VPS50: variants seen among roughly 807,000 people sequenced by gnomAD.
VPS50 encodes VPS50 subunit of EARP/GARPII complex.
VPS50 carries 70 observed loss-of-function variants against 139.7 expected under a neutral mutation model. That is an observed-to-expected ratio of 0.50 (90% CI 0.41 to 0.61). VPS50 has a LOEUF of 0.61. Ranked by LOEUF, VPS50 falls within the 20% of genes least tolerant of loss-of-function variation. The probability of loss-of-function intolerance (pLI) is 0.00; values close to 1 mark genes in which losing one functional copy is unlikely to be tolerated. For missense variants in VPS50, 921 were observed against 1,133.7 expected, an observed-to-expected ratio of 0.81 and a Z score of 2.69; for synonymous variants, 365 against 376.7, an observed-to-expected ratio of 0.97 and a Z score of 0.36.
At chr7:93,348,620 T>C in intron 23 of VPS50, 91 bp from the exon 24 acceptor site, 1 of 862,686 alleles carries the variant, frequency 1.2e-6, no homozygotes, top group Non-Finnish European at 1.9e-6. Context: ...AAAGTTTTGC[T>C]CAGAAATGTT....
At chr7:93,347,171 A>G (rs1798420685) in intron 23 of VPS50, among the ~76,000 whole-genome samples, 1 of 148,572 alleles carries the variant, frequency 6.7e-6, no homozygotes. Flanking sequence ...CAAAGGATAT[A>G]AATAGACACT....
chr7:93,353,015 G>T (rs1185516958), intron 25 of VPS50, among the ~76,000 whole-genome samples: 2 of 152,028 alleles, frequency 1.3e-5, no homozygotes, highest in Admixed American at 6.6e-5. Context: ...GAGCATTTCA[G>T]AATTCTGGTT....
At chr7:93,243,185 A>G (rs2116787392) in intron 2 of VPS50, among the ~76,000 whole-genome samples, 1 of 152,114 alleles carries the variant, frequency 6.6e-6, no homozygotes, top group Admixed American at 6.6e-5. Flanking sequence ...AGAAAAGTAG[A>G]AAACATTTAA....
intron 2 of VPS50, among the ~76,000 whole-genome samples, chr7:93,244,653 A>T (rs973747268): frequency 1.3e-5 from 2 of 151,842 alleles, no homozygotes; most frequent in Non-Finnish European, 2.9e-5. Flanking sequence ...TTGTTAGAAG[A>T]TTTGCATATT....
intron 27 of VPS50, among the ~76,000 whole-genome samples, chr7:93,358,110 T>A (rs572796362): frequency 2.6e-5 from 4 of 152,176 alleles, no homozygotes; most frequent in Non-Finnish European, 5.9e-5. Flanking sequence ...CTGTTTCAAA[T>A]GTGTACTATA....
chr7:93,338,449 G>C (rs1798123291), intron 22 of VPS50, among the ~76,000 whole-genome samples: 1 of 152,100 alleles, frequency 6.6e-6, no homozygotes, highest in African/African-American at 2.4e-5. Context: ...CATTGAAGAA[G>C]ATCCCTAAAG....
chr7:93,342,848 AG>A (rs1798263895), intron 23 of VPS50, among the ~76,000 whole-genome samples: 1 of 152,196 alleles, frequency 6.6e-6, no homozygotes, highest in Non-Finnish European at 1.5e-5. Flanking sequence ...CCATCATCAA[AG>A]ACCAAAAGTA....
chr7:93,260,672 TG>T (rs1795639765), intron 9 of VPS50, among the ~76,000 whole-genome samples: 1 of 148,880 alleles, frequency 6.7e-6, no homozygotes, highest in Non-Finnish European at 1.5e-5. Flanking sequence ...TGAAGTTACA[TG>T]TTTTTTTGTT....
At position 93,258,188 on chromosome 7, in the gene VPS50, C is replaced by G; in HGVS notation, c.452C>G (p.Thr151Ser). 1 of 1,578,436 alleles carries G rather than the reference C, an allele frequency of 6.3e-7. No homozygotes were observed. The highest frequency in any genetic ancestry group is 8.7e-7 in the Non-Finnish European group (1 of 1,148,094). The change falls in exon 7 of 28, where the codon ACT (threonine) becomes AGT (serine). Residue 151 changes from threonine to serine, a missense_variant. Thr to Ser is a moderately conservative substitution (Grantham distance 58, BLOSUM62 1). Coordinates refer to ENST00000305866, the MANE Select transcript of VPS50 (RefSeq NM_017667.4). Reference sequence around the variant, plus strand: ...TTGAATATTGCAAAGGAAGGTTTTACTCAAGCTAGTTTAGGCCTTCTTGCA... The same window carrying G: ...TTGAATATTGCAAAGGAAGGTTTTAGTCAAGCTAGTTTAGGCCTTCTTGCA... ...RHLNIAKEGF[T>S]QASLGLLANQ... is the part of the protein sequence containing the mutation.
At chr7:93,304,776 T>C (rs1255545890) in intron 17 of VPS50, among the ~76,000 whole-genome samples, 1 of 151,850 alleles carries the variant, frequency 6.6e-6, no homozygotes, top group Non-Finnish European at 1.5e-5. Context: ...TTGAAAACTA[T>C]TCACAGCTTA....
At chr7:93,308,309 A>G (rs1176165120) in intron 18 of VPS50, among the ~76,000 whole-genome samples, 1 of 152,018 alleles carries the variant, frequency 6.6e-6, no homozygotes, top group Non-Finnish European at 1.5e-5. Flanking sequence ...CATTCTCAGC[A>G]GGTCCCTGTG....
chr7:93,343,737 T>C (rs983591888), intron 23 of VPS50, among the ~76,000 whole-genome samples: 1 of 152,072 alleles, frequency 6.6e-6, no homozygotes, highest in Admixed American at 6.5e-5. Flanking sequence ...CTAAGCTTCA[T>C]AAGTGAAGGA....
At chr7:93,357,433 C>G (rs1447546985) in intron 27 of VPS50, among the ~76,000 whole-genome samples, 4 of 152,138 alleles carry the variant, frequency 2.6e-5, no homozygotes, top group African/African-American at 4.8e-5. Context: ...GTCCAGCGAT[C>G]ACTGACGATG....
chr7:93,234,985 C>T (rs746599575), intron 1 of VPS50, among the ~76,000 whole-genome samples: 1 of 151,124 alleles, frequency 6.6e-6, no homozygotes, highest in Non-Finnish European at 1.5e-5. Context: ...CGGTGATAAA[C>T]ACTGTAGAGG....
intron 25 of VPS50, among the ~76,000 whole-genome samples, 175 bp from the exon 26 acceptor site, chr7:93,353,463 CAT>C (rs760415965): frequency 5.3e-5 from 8 of 152,280 alleles, no homozygotes; most frequent in Non-Finnish European, 1.2e-4. Context: ...TAAACTAGTG[CAT>C]ATATGTTTTT....
At chr7:93,322,203 G>A (rs778725830) in intron 20 of VPS50, among the ~76,000 whole-genome samples, 13 of 152,120 alleles carry the variant, frequency 8.5e-5, no homozygotes, top group Non-Finnish European at 1.3e-4. Flanking sequence ...TAAGAAAGAC[G>A]TACTGAGTTC....
intron 12 of VPS50, among the ~76,000 whole-genome samples, chr7:93,288,822 GA>G (rs1276247620): frequency 1.3e-5 from 2 of 152,148 alleles, no homozygotes; most frequent in African/African-American, 4.8e-5. Context: ...AGTGGAGTCA[GA>G]AAAGTGAACA....
chr7:93,300,461 G>A (rs1796944626), intron 16 of VPS50, among the ~76,000 whole-genome samples: 1 of 151,990 alleles, frequency 6.6e-6, no homozygotes, highest in Non-Finnish European at 1.5e-5. Context: ...CAAAATATTG[G>A]CAAATTTAAT....
In VPS50 at chr7:93,257,421, A is replaced by C. The variant is rs780342879; in HGVS notation, c.379A>C (p.Thr127Pro). 6.2e-7 allele frequency: 1 copy of C among 1,604,396 alleles called. No individual in the cohort carries two copies. The highest frequency in any genetic ancestry group is 2.2e-5 in the East Asian group (1 of 44,610). Residue 127 changes from threonine to proline, a missense_variant, in exon 6 of 28, where the codon ACA (threonine) becomes CCA (proline). Transcript: ENST00000305866. ...KELERVTSLQ[T>P]GLQLAAVICT... ...ACTTGAAAGAGTTACCTCATTGCAG[A>C]CAGGTCTTCAATTAGCTGCTGTTAT... is the stretch of plus-strand genomic sequence containing the variant.
Sources: gnomAD v4.1 joint callset for allele counts (sites outside exome capture counted in the v4.1 genomes callset) on GRCh38, gnomAD v4.1.1 for gene constraint, MANE v1.5 for transcripts, NCBI Gene and HGNC (gene_info 2026-07-23, HGNC 2026-07-21) for gene names.